Variants in PAM observed in about 807,000 individuals in gnomAD.
The protein encoded by PAM is peptidyl-glycine alpha-amidating monooxygenase.
A neutral mutation model predicts 122.1 loss-of-function variants in PAM; 72 were observed. The observed-to-expected ratio is 0.59, with a 90% CI of 0.49 to 0.72. PAM has a LOEUF of 0.72. PAM is among the 30% of genes least tolerant of loss of function. PAM has a pLI of 0.00. For synonymous variants in PAM, 389 were observed against 404.4 expected (o/e 0.96, Z 0.46); for missense variants, 1,106 against 1,183.7 (o/e 0.93, Z 0.96).
intron 25 of PAM, 77 bp from the exon 26 acceptor site, chr5:103,028,810 T>G (rs954094984): frequency 1.5e-5 from 14 of 963,724 alleles, no homozygotes; most frequent in Non-Finnish European, 1.9e-5. Flanking sequence ...CTTCTGACTT[T>G]ATCATTTAAG....
At chr5:102,959,189 G>A (rs1418540391) in intron 12 of PAM, among the ~76,000 whole-genome samples, 3 of 151,980 alleles carry the variant, frequency 2.0e-5, no homozygotes, top group South Asian at 4.1e-4. Context: ...CACTACTTCC[G>A]TCACATCTCA....
At chr5:102,935,828 A>G (rs1753061352) in intron 7 of PAM, among the ~76,000 whole-genome samples, 1 of 152,172 alleles carries the variant, frequency 6.6e-6, no homozygotes, top group Non-Finnish European at 1.5e-5. Flanking sequence ...AAATCTAATC[A>G]GAGGACCGTC....
chr5:102,878,751 G>A (rs1561732046), intron 3 of PAM, among the ~76,000 whole-genome samples: 1 of 151,676 alleles, frequency 6.6e-6, no homozygotes, highest in African/African-American at 2.4e-5. Flanking sequence ...AAAATTAATA[G>A]AAAAATGCTT....
At position 102,891,326 on chromosome 5, in the gene PAM, C is replaced by T. The variant is rs1218723462; in HGVS notation, c.211-10030C>T. On this transcript the variant is annotated intron_variant, in intron 3 of 25. Transcript: ENST00000438793. ...AATACTGAAGTAGAAATGTTTACGA[C>T]ATATAAAGGAAAATCCAAGAGCAGG... Among the ~76,000 whole-genome samples the T allele has an allele frequency of 2.0e-5, 3 of 151,764 alleles. No individual in the cohort carries two copies. In the East Asian group the frequency reaches 5.8e-4, roughly 30 times the overall value.
intron 1 of PAM, among the ~76,000 whole-genome samples, chr5:102,845,011 C>T (rs1350587481): frequency 6.6e-6 from 1 of 152,232 alleles, no homozygotes; most frequent in Non-Finnish European, 1.5e-5. Flanking sequence ...TCTGGCAGTG[C>T]TTCTCAAACA....
intron 3 of PAM, among the ~76,000 whole-genome samples, chr5:102,897,573 A>G (rs1412833604): frequency 1.3e-5 from 2 of 151,688 alleles, no homozygotes; most frequent in Non-Finnish European, 3.0e-5. Context: ...AGACCATACT[A>G]TACACAATAT....
At chr5:102,974,009 CTTAT>C (rs929134311) in intron 14 of PAM, 103 bp from the exon 15 acceptor site, 25 of 707,374 alleles carry the variant, frequency 3.5e-5, no homozygotes, top group Non-Finnish European at 5.6e-5. Context: ...AAACTTCTCT[CTTAT>C]TTATTATGAG....
chr5:102,801,394 T>C (rs1764658365), intron 1 of PAM, among the ~76,000 whole-genome samples: 1 of 152,252 alleles, frequency 6.6e-6, no homozygotes, highest in East Asian at 1.9e-4. Context: ...ACATTTGGTT[T>C]ATGTGGGCTG....
chr5:102,991,500 A>G (rs1301543506), intron 16 of PAM, among the ~76,000 whole-genome samples: 2 of 152,164 alleles, frequency 1.3e-5, no homozygotes, highest in Non-Finnish European at 2.9e-5. Context: ...ATCTACATGT[A>G]TAATTCAATT....
At chr5:102,924,849 G>A in intron 5 of PAM, 108 bp from the exon 6 acceptor site, 1 of 677,266 alleles carries the variant, frequency 1.5e-6, no homozygotes, top group Non-Finnish European at 2.7e-6. Flanking sequence ...ATGATATATT[G>A]ATGTACTTTG....
chr5:102,915,201 G>A (rs570344202), intron 5 of PAM, among the ~76,000 whole-genome samples: 6 of 152,182 alleles, frequency 3.9e-5, no homozygotes, highest in Admixed American at 3.9e-4. Context: ...TTGAGGTCCT[G>A]TCCTTACATA....
Position 102,806,823 on chromosome 5 carries a change from G to T in PAM, c.-374+51475G>T, listed in dbSNP as rs541004227. ...TTTCTAATCTATATGGGAATGAAAAGCCCAACTTATCAATTAAGTTAAAAT... is the reference window on the plus strand; with the variant it reads ...TTTCTAATCTATATGGGAATGAAAATCCCAACTTATCAATTAAGTTAAAAT... On this transcript the variant is annotated intron_variant, in intron 1 of 25. Transcript: ENST00000438793. Among the ~76,000 whole-genome samples, 4 of 152,272 alleles carry T rather than the reference G, an allele frequency of 2.6e-5. No individual in the cohort carries two copies. In the South Asian group the frequency reaches 8.3e-4, roughly 32 times the overall value.
At chr5:102,962,311 A>G (rs961513978) in intron 14 of PAM, among the ~76,000 whole-genome samples, 1 of 151,844 alleles carries the variant, frequency 6.6e-6, no homozygotes, top group African/African-American at 2.4e-5. Flanking sequence ...TAAATGGCTG[A>G]GTAATTTAAA....
chr5:102,971,330 T>A (rs1479065637), intron 14 of PAM, among the ~76,000 whole-genome samples: 3 of 152,232 alleles, frequency 2.0e-5, no homozygotes, highest in Non-Finnish European at 4.4e-5. Flanking sequence ...ATCTACAAAG[T>A]AATTTCTAAA....
chr5:102,975,147 G>C (rs1767200104), intron 15 of PAM, among the ~76,000 whole-genome samples: 3 of 152,116 alleles, frequency 2.0e-5, no homozygotes, highest in Admixed American at 2.0e-4. Context: ...TGGCCTCTGT[G>C]ATATTGATTG....
intron 1 of PAM, among the ~76,000 whole-genome samples, chr5:102,804,727 C>T (rs78503872): frequency 0.014 from 2,152 of 152,242 alleles, 58 homozygotes; most frequent in African/African-American, 0.049. Flanking sequence ...TAAGCTGTAT[C>T]AGGATTAGGG....
rs772356278 is a variant in PAM, at chr5:102,990,379, G to A, written c.1591G>A (p.Gly531Ser). The change falls in exon 16 of 26, where the codon GGT (glycine) becomes AGT (serine). Residue 531 changes from glycine to serine, a missense_variant. Around this residue, in one of 3 missense-constraint regions of PAM, gnomAD observed 670 missense variants for 690.3 expected, o/e 0.97. Transcript: ENST00000438793. ...PKNNLVIFHR[G>S]DHVWDGNSFD... ...GAATAACCTGGTGATTTTCCACAGA[G>A]GTGACCATGTCTGGGATGGAAAGTA... 2.5e-6 allele frequency: 4 copies of A among 1,604,368 alleles called. No individual in the cohort carries two copies. The South Asian group carries it at 4.5e-5, about 18-fold the overall frequency.
intron 3 of PAM, among the ~76,000 whole-genome samples, chr5:102,874,477 TTAA>T (rs141545465): frequency 0.089 from 13,564 of 152,106 alleles, 1,480 homozygotes; most frequent in African/African-American, 0.25. Flanking sequence ...ATGTTTTTTT[TTAA>T]TAATAGAAAC....
chr5:102,963,323 T>G (rs1181580905), intron 14 of PAM, among the ~76,000 whole-genome samples: 1 of 151,942 alleles, frequency 6.6e-6, no homozygotes, highest in African/African-American at 2.4e-5. Flanking sequence ...GCTGAAAGAG[T>G]ATTTCATTCT....
Sources: allele counts gnomAD v4.1 joint callset (sites outside exome capture counted in the v4.1 genomes callset), GRCh38; gene constraint gnomAD v4.1.1; regional missense constraint gnomAD v4.1.1; transcripts MANE v1.5; gene names NCBI Gene and HGNC (gene_info 2026-07-23, HGNC 2026-07-21).